Variants in ABCD3 observed in about 807,000 individuals in gnomAD.
ABCD3 encodes the protein ATP binding cassette subfamily D member 3.
ABCD3 carries 41 observed loss-of-function variants against 105.5 expected under a neutral mutation model. That is an observed-to-expected ratio of 0.39 (90% CI 0.30 to 0.50). ABCD3 has a LOEUF of 0.50. Ranked by LOEUF, ABCD3 falls within the 20% of genes least tolerant of loss-of-function variation. The pLI, the probability that ABCD3 is intolerant of heterozygous loss-of-function variation, is 0.84. For synonymous variants in ABCD3, 258 were observed against 269.0 expected (o/e 0.96, Z 0.40); for missense variants, 622 against 806.3 (o/e 0.77, Z 2.77).
rs374141768 is a variant in ABCD3, at chr1:94,506,488, A to C, written c.1741-50A>C. The C allele has an allele frequency of 6.4e-6, 7 of 1,093,710 alleles. No homozygotes were observed. In the African/African-American group the frequency reaches 1.1e-4, roughly 17 times the overall value. The allele number at this position is 1,093,710 out of a possible 1,614,324, so 67.8% of individuals were successfully genotyped here. A position where few individuals can be genotyped will look rare whatever the true frequency, so the allele number is the denominator to read the frequency against. On this transcript the variant is annotated intron_variant, in intron 20 of 22. Transcript: ENST00000370214. The stretch of plus-strand genomic sequence containing the variant: ...TAACATAAGTTTGTTTCGGCTTACT[A>C]ATTTTAGGTCTGCCTGTGTTTTACA...
chr1:94,434,099 T>C (rs1013890742), intron 1 of ABCD3, among the ~76,000 whole-genome samples: 4 of 152,158 alleles, frequency 2.6e-5, no homozygotes, highest in African/African-American at 9.7e-5. Flanking sequence ...TATGAGTGAA[T>C]GTGAAGGCCT....
chr1:94,494,059 C>T (rs1448217998), intron 16 of ABCD3, among the ~76,000 whole-genome samples: 2 of 151,870 alleles, frequency 1.3e-5, no homozygotes, highest in African/African-American at 4.8e-5. Context: ...CTAACCTGCA[C>T]ATTGTGCACA....
the ABCD3 span, among the ~76,000 whole-genome samples, chr1:94,387,441 T>C: frequency 2.0e-5 from 3 of 152,164 alleles, no homozygotes; most frequent in Admixed American, 2.0e-4. Context: ...CTGACAACCT[T>C]GCTCTCTCCT....
the ABCD3 span, among the ~76,000 whole-genome samples, chr1:94,407,736 G>C: frequency 1.3e-5 from 2 of 152,174 alleles, no homozygotes; most frequent in Admixed American, 6.5e-5. Context: ...TAAAGCGATG[G>C]TCAGCAAACT....
chr1:94,418,883 G>A (rs1659137673), intron 1 of ABCD3: 2 of 498,436 alleles, frequency 4.0e-6, no homozygotes, highest in South Asian at 2.3e-5. Context: ...CCAGTTGGGG[G>A]TGGGAGGGGG....
chr1:94,390,979 T>C, the ABCD3 span, among the ~76,000 whole-genome samples: 1 of 152,242 alleles, frequency 6.6e-6, no homozygotes, highest in Non-Finnish European at 1.5e-5. Context: ...GCCACGTTCC[T>C]CATATACAAC....
chr1:94,483,292 T>A, intron 10 of ABCD3, 53 bp downstream of exon 10: 2 of 1,407,432 alleles, frequency 1.4e-6, no homozygotes, highest in Non-Finnish European at 2.0e-6. Context: ...TTTTTTTGTT[T>A]GTTTGTTTTG....
At chr1:94,425,952 G>C (rs1192215933) in intron 1 of ABCD3, among the ~76,000 whole-genome samples, 1 of 152,180 alleles carries the variant, frequency 6.6e-6, no homozygotes, top group African/African-American at 2.4e-5. Context: ...TTGAACCTCA[G>C]TAGAACAGGG....
chr1:94,434,420 T>C (rs1160910236), intron 1 of ABCD3, among the ~76,000 whole-genome samples: 1 of 152,168 alleles, frequency 6.6e-6, no homozygotes, highest in East Asian at 1.9e-4. Flanking sequence ...ACAAGTAACA[T>C]AGTCATTTAT....
At chr1:94,402,058 G>T in the ABCD3 span, among the ~76,000 whole-genome samples, 2 of 152,174 alleles carry the variant, frequency 1.3e-5, no homozygotes, top group African/African-American at 4.8e-5. Flanking sequence ...AGTAGTGTGT[G>T]TCTGCTTATC....
chr1:94,441,029 G>A (rs971089687), intron 1 of ABCD3, among the ~76,000 whole-genome samples: 1 of 152,148 alleles, frequency 6.6e-6, no homozygotes, highest in Non-Finnish European at 1.5e-5. Flanking sequence ...AGAAAAACAT[G>A]GGTGGATTCC....
At chr1:94,463,553 A>G (rs1021043747) in intron 2 of ABCD3, among the ~76,000 whole-genome samples, 10 of 152,216 alleles carry the variant, frequency 6.6e-5, no homozygotes, top group African/African-American at 2.4e-4. Context: ...AGTTAGCCAG[A>G]TAAGTGAGCT....
chr1:94,388,975 T>C, the ABCD3 span, among the ~76,000 whole-genome samples: 1 of 152,062 alleles, frequency 6.6e-6, no homozygotes, highest in Non-Finnish European at 1.5e-5. Flanking sequence ...GAGAAAAGCA[T>C]TTCTCCACTG....
At chr1:94,426,848 ATTTTT>A (rs67942477) in intron 1 of ABCD3, among the ~76,000 whole-genome samples, 3 of 131,614 alleles carry the variant, frequency 2.3e-5, no homozygotes, top group Non-Finnish European at 1.6e-5. Flanking sequence ...CCCAGCCTGA[ATTTTT>A]TTTTTTTTTT....
chr1:94,405,911 A>G, the ABCD3 span, among the ~76,000 whole-genome samples: 1 of 150,326 alleles, frequency 6.7e-6, no homozygotes, highest in South Asian at 2.1e-4. Context: ...GGTTTTTGGC[A>G]TGCCAAAGTT....
chr1:94,506,237 GT>G (rs1570834575), intron 20 of ABCD3, among the ~76,000 whole-genome samples: 1 of 152,006 alleles, frequency 6.6e-6, no homozygotes, highest in East Asian at 1.9e-4. Flanking sequence ...AATCTTATTT[GT>G]TTAGTGAGCT....
At chr1:94,395,059 A>G in the ABCD3 span, among the ~76,000 whole-genome samples, 1 of 152,144 alleles carries the variant, frequency 6.6e-6, no homozygotes, top group Non-Finnish European at 1.5e-5. Flanking sequence ...AGGCCATGCA[A>G]TCTTTGTGCT....
chr1:94,515,236 A>G (rs1322350749), intron 22 of ABCD3, 34 bp downstream of exon 22: 1 of 1,535,906 alleles, frequency 6.5e-7, no homozygotes. Context: ...GTACAGTGAA[A>G]TTTTATTTTC....
At chr1:94,479,109 A>T (rs1279797096) in intron 8 of ABCD3, among the ~76,000 whole-genome samples, 1 of 152,176 alleles carries the variant, frequency 6.6e-6, no homozygotes, top group Non-Finnish European at 1.5e-5. Flanking sequence ...TTTCCAAAAC[A>T]CTGGAAAAGC....
Sources: gnomAD v4.1 joint callset for allele counts (sites outside exome capture counted in the v4.1 genomes callset) on GRCh38, gnomAD v4.1.1 for gene constraint, MANE v1.5 for transcripts, NCBI Gene and HGNC (gene_info 2026-07-23, HGNC 2026-07-21) for gene names.